Variants in BMPER observed in about 807,000 individuals in gnomAD.
BMPER encodes BMP binding endothelial regulator, also known as BMP-binding endothelial regulator protein.
In BMPER, 45 loss-of-function variants were observed where a neutral mutation model predicts 87.3. That is an observed-to-expected ratio of 0.52 (90% CI 0.41 to 0.66). BMPER has a LOEUF of 0.66. BMPER is among the 30% of genes least tolerant of loss of function. The pLI, the probability that BMPER is intolerant of heterozygous loss-of-function variation, is 0.00. For missense variants in BMPER, 784 were observed against 867.5 expected (o/e 0.90, Z 1.21); for synonymous variants, 326 against 316.2 (o/e 1.03, Z -0.33).
chr7:34,074,258 A>G (rs1051741818), intron 11 of BMPER, among the ~76,000 whole-genome samples: 2 of 151,880 alleles, frequency 1.3e-5, no homozygotes, highest in African/African-American at 4.8e-5. Context: ...ACCCCCATAC[A>G]TGTTAGATTG....
intron 3 of BMPER, among the ~76,000 whole-genome samples, chr7:33,964,070 A>C (rs1430138666): frequency 3.9e-5 from 6 of 152,236 alleles, no homozygotes; most frequent in Admixed American, 3.9e-4. Flanking sequence ...TTTGGAGTAC[A>C]TATAAGGTTT....
At chr7:34,060,658 G>A (rs17169639) in intron 10 of BMPER, among the ~76,000 whole-genome samples, 2,396 of 152,258 alleles carry the variant, frequency 0.016, 79 homozygotes, top group African/African-American at 0.055. Context: ...TTCTTTTTGA[G>A]TACTTAAGCC....
chr7:33,909,967 T>C (rs866686790), intron 2 of BMPER, among the ~76,000 whole-genome samples: 2 of 152,210 alleles, frequency 1.3e-5, no homozygotes, highest in Non-Finnish European at 2.9e-5. Flanking sequence ...TATCATCCTC[T>C]GCGTAGACCT....
chr7:33,991,827 C>T lies in BMPER; in HGVS notation c.576+17043C>T, dbSNP rs1314702391. ...TTCTGGTATGTTGTGTCTTTGTTCT[C>T]GTTGGTTTCAAAGAACATCTTTATT... On this transcript the variant is annotated intron_variant, in intron 6 of 14. Transcript: ENST00000649409. Among the ~76,000 whole-genome samples the T allele has an allele frequency of 4.8e-5, 7 of 146,838 alleles. No individual in the cohort carries two copies. In the South Asian group the frequency reaches 7.0e-4, roughly 15 times the overall value.
chr7:34,146,843 T>G (rs1791039406), intron 14 of BMPER, among the ~76,000 whole-genome samples: 1 of 152,204 alleles, frequency 6.6e-6, no homozygotes, highest in Admixed American at 6.5e-5. Flanking sequence ...TGTCAACTAA[T>G]TCATCCAAAT....
chr7:33,974,824 C>G, intron 6 of BMPER, 40 bp downstream of exon 6: 1 of 1,585,758 alleles, frequency 6.3e-7, no homozygotes, highest in Non-Finnish European at 8.7e-7. Context: ...GTCCTTTGGG[C>G]AAAGCACTTC....
intron 6 of BMPER, among the ~76,000 whole-genome samples, chr7:34,004,916 G>A (rs1269550654): frequency 6.6e-6 from 1 of 152,088 alleles, no homozygotes; most frequent in African/African-American, 2.4e-5. Flanking sequence ...GCACAGTTAT[G>A]TGACCTTCTG....
chr7:33,919,373 G>C (rs901949987), intron 2 of BMPER, among the ~76,000 whole-genome samples: 17 of 152,322 alleles, frequency 1.1e-4, no homozygotes, highest in Admixed American at 5.2e-4. Context: ...ACCTGAATGA[G>C]GGGGTATTTA....
intron 6 of BMPER, among the ~76,000 whole-genome samples, chr7:33,994,636 G>T (rs1392245833): frequency 3.9e-5 from 6 of 152,180 alleles, no homozygotes; most frequent in African/African-American, 1.4e-4. Flanking sequence ...CGGCCATCTT[G>T]TGTTTGGTAT....
chr7:33,992,068 T>TGGTGC (rs1786237439), intron 6 of BMPER, among the ~76,000 whole-genome samples: 2 of 152,056 alleles, frequency 1.3e-5, no homozygotes, highest in African/African-American at 4.8e-5. Context: ...AGGTGTGGTG[T>TGGTGC]GGTGCTGAAA....
At chr7:33,966,377 G>A (rs937804765) in intron 3 of BMPER, 102 bp from the exon 4 acceptor site, 14 of 991,272 alleles carry the variant, frequency 1.4e-5, no homozygotes, top group East Asian at 5.0e-5. Context: ...TCCTTTGATC[G>A]CTAATCTGGG....
Position 34,156,398 on chromosome 7 carries a change from A to T in BMPER, c.*3125A>T, listed in dbSNP as rs1408867043. On this transcript the variant is annotated 3_prime_UTR_variant, in exon 15 of 15. Transcript: ENST00000649409. ...TAAATTTTTCTTGAATCAATAAATA[A>T]AACCTAATAAATGCTGTCTCATGGT... Among the ~76,000 whole-genome samples, 1 of 152,204 alleles carries T rather than the reference A, an allele frequency of 6.6e-6. No homozygotes were observed. The highest frequency in any genetic ancestry group is 1.9e-4 in the East Asian group (1 of 5,194).
At chr7:34,142,055 T>C (rs1048544363) in intron 13 of BMPER, among the ~76,000 whole-genome samples, 2 of 152,218 alleles carry the variant, frequency 1.3e-5, no homozygotes, top group African/African-American at 2.4e-5. Flanking sequence ...TCTTGGATAT[T>C]ATTTTTTCTG....
intron 13 of BMPER, among the ~76,000 whole-genome samples, chr7:34,095,311 CT>C (rs1324475878): frequency 6.6e-6 from 1 of 152,076 alleles, no homozygotes; most frequent in Non-Finnish European, 1.5e-5. Flanking sequence ...CAAATTTTAA[CT>C]TTTTTCATGC....
intron 2 of BMPER, among the ~76,000 whole-genome samples, chr7:33,913,768 A>G (rs1417584057): frequency 6.6e-6 from 1 of 152,212 alleles, no homozygotes; most frequent in African/African-American, 2.4e-5. Context: ...TGGTGTCTCC[A>G]GAGCAGGGCA....
intron 6 of BMPER, among the ~76,000 whole-genome samples, chr7:33,994,901 A>C (rs1442318497): frequency 6.6e-6 from 1 of 152,154 alleles, no homozygotes; most frequent in African/African-American, 2.4e-5. Context: ...ACAATTCTAT[A>C]ATATCTCAAT....
rs528416501 is a variant in BMPER, at chr7:34,084,105, A to ACCAGCCTG, written c.1409-1650_1409-1643dup. On this transcript the variant is annotated intron_variant, in intron 12 of 14. Transcript: ENST00000649409. ...GATTGCCTGAGCTCAGGAGTTTGAG[A>ACCAGCCTG]CCAGCCTGGCCAACACAGTGAAACC... Among the ~76,000 whole-genome samples, 310 of 152,076 alleles carry ACCAGCCTG rather than the reference A, an allele frequency of 2.0e-3. 1 individual carries two copies. Among genetic ancestry groups the ACCAGCCTG allele is most frequent in the African/African-American group, 6.9e-3 (286 of 41,470 alleles).
At chr7:34,118,371 A>G (rs1310058591) in intron 13 of BMPER, among the ~76,000 whole-genome samples, 1 of 151,964 alleles carries the variant, frequency 6.6e-6, no homozygotes, top group African/African-American at 2.4e-5. Flanking sequence ...AAAGTAGCTC[A>G]CTCTTTATGT....
chr7:34,064,158 G>T (rs1193281818), intron 11 of BMPER, among the ~76,000 whole-genome samples: 2 of 152,174 alleles, frequency 1.3e-5, no homozygotes, highest in Non-Finnish European at 2.9e-5. Flanking sequence ...GGGCGTGGTG[G>T]TGTGTGCCTG....
Sources: gnomAD v4.1 joint callset for allele counts (sites outside exome capture counted in the v4.1 genomes callset) on GRCh38, gnomAD v4.1.1 for gene constraint, MANE v1.5 for transcripts, NCBI Gene and HGNC (gene_info 2026-07-23, HGNC 2026-07-21) for gene names.